The following KCMF1 variants were observed in gnomAD, a reference collection of about 807,000 sequenced individuals.
The protein encoded by KCMF1 is potassium channel modulatory factor 1.
In KCMF1, 3 loss-of-function variants were observed where a neutral mutation model predicts 41.1. The ratio of observed to expected loss-of-function variants is 0.07; its 90% confidence interval spans 0.03 to 0.19. The LOEUF (loss-of-function observed/expected upper bound fraction) is 0.19, where lower values mean the gene tolerates loss of function less well. KCMF1 is among the 10% of genes least tolerant of loss of function. KCMF1 has a pLI of 1.00. For synonymous variants in KCMF1, 142 were observed against 164.5 expected, an observed-to-expected ratio of 0.86 and a Z score of 1.04; for missense variants, 286 against 488.9, an observed-to-expected ratio of 0.58 and a Z score of 3.91.
intron 3 of KCMF1, among the ~76,000 whole-genome samples, chr2:85,043,128 A>G (rs367797593): frequency 7.2e-5 from 11 of 152,228 alleles, no homozygotes; most frequent in African/African-American, 2.4e-4. Flanking sequence ...GCACAGTTGC[A>G]TTTAATCAGA....
At chr2:85,013,536 A>T (rs1310870044) in intron 1 of KCMF1, among the ~76,000 whole-genome samples, 1 of 152,164 alleles carries the variant, frequency 6.6e-6, no homozygotes, top group Non-Finnish European at 1.5e-5. Flanking sequence ...GCAGTGGCTC[A>T]TGCTTGTAAT....
intron 2 of KCMF1, among the ~76,000 whole-genome samples, chr2:85,029,848 AT>A (rs1471415111): frequency 6.6e-6 from 1 of 150,976 alleles, no homozygotes; most frequent in Non-Finnish European, 1.5e-5. Flanking sequence ...TGCCCAGAAA[AT>A]TTTTTTTGTA....
At chr2:85,035,202 A>G in intron 3 of KCMF1, 47 bp downstream of exon 3, 3 of 1,525,618 alleles carry the variant, frequency 2.0e-6, no homozygotes, top group Non-Finnish European at 2.7e-6. Context: ...TGTAAAGTAT[A>G]TTATTTCTAA....
intron 1 of KCMF1, among the ~76,000 whole-genome samples, chr2:84,998,305 G>A (rs1285278349): frequency 6.6e-6 from 1 of 151,918 alleles, no homozygotes; most frequent in Non-Finnish European, 1.5e-5. Context: ...ATGTTAGCCA[G>A]GCTGGTCTCA....
intron 1 of KCMF1, among the ~76,000 whole-genome samples, chr2:85,008,673 C>T (rs1379523137): frequency 1.3e-5 from 2 of 151,378 alleles, no homozygotes; most frequent in African/African-American, 2.4e-5. Context: ...TGGAAACATG[C>T]GTATCAAGCC....
intron 1 of KCMF1, among the ~76,000 whole-genome samples, chr2:85,026,592 A>G (rs545264807): frequency 6.6e-6 from 1 of 151,886 alleles, no homozygotes; most frequent in South Asian, 2.1e-4. Context: ...GGGCTCAAGC[A>G]TTCCTCCCAC....
At chr2:84,985,492 G>A (rs925105962) in intron 1 of KCMF1, among the ~76,000 whole-genome samples, 2 of 152,120 alleles carry the variant, frequency 1.3e-5, no homozygotes, top group South Asian at 4.1e-4. Flanking sequence ...TTCCTGAAGG[G>A]TGTGGGGTTT....
At chr2:85,052,079 CT>C (rs1344721800) in intron 6 of KCMF1, among the ~76,000 whole-genome samples, 2 of 152,078 alleles carry the variant, frequency 1.3e-5, no homozygotes, top group African/African-American at 4.8e-5. Context: ...TCAGATCGGT[CT>C]TTTTTTGAGA....
intron 1 of KCMF1, among the ~76,000 whole-genome samples, chr2:85,003,183 C>T (rs995581130): frequency 6.6e-6 from 1 of 152,134 alleles, no homozygotes; most frequent in Non-Finnish European, 1.5e-5. Flanking sequence ...TTTTAAAATT[C>T]ATCTTGTTGG....
intron 1 of KCMF1, among the ~76,000 whole-genome samples, chr2:84,983,316 C>G (rs1673811088): frequency 6.6e-6 from 1 of 151,948 alleles, no homozygotes; most frequent in African/African-American, 2.4e-5. Flanking sequence ...ACATTTTTTT[C>G]TTACAAAGTC....
At chr2:85,027,868 A>G in intron 1 of KCMF1, 21 bp from the exon 2 acceptor site, 1 of 1,548,116 alleles carries the variant, frequency 6.5e-7, no homozygotes, top group Admixed American at 2.0e-5. Flanking sequence ...TGGTAACTAA[A>G]GATATTTCTT....
At chr2:85,033,301 T>G (rs1675322821) in intron 2 of KCMF1, among the ~76,000 whole-genome samples, 1 of 152,246 alleles carries the variant, frequency 6.6e-6, no homozygotes, top group Non-Finnish European at 1.5e-5. Flanking sequence ...GCTAAATAAT[T>G]AAATAATTCT....
At position 84,978,729 on chromosome 2, in the gene KCMF1, T is replaced by C. The variant is rs372819520; in HGVS notation, c.16+7262T>C. Among the ~76,000 whole-genome samples, 42 of 150,792 alleles carry C rather than the reference T, an allele frequency of 2.8e-4. No homozygotes were observed. In the South Asian group the frequency reaches 8.2e-3, roughly 29 times the overall value. On this transcript the variant is annotated intron_variant, in intron 1 of 6. Coordinates refer to ENST00000409785, the MANE Select transcript of KCMF1 (RefSeq NM_020122.5). ...CCTGGCTAATTTTTGTTTGTTTGCT[T>C]TTTGAGATGGAGTTTCGCTCCTGTT...
intron 5 of KCMF1, among the ~76,000 whole-genome samples, chr2:85,047,159 A>G (rs1316753257): frequency 6.6e-6 from 1 of 152,166 alleles, no homozygotes; most frequent in Non-Finnish European, 1.5e-5. Context: ...ACAAAAGATG[A>G]TAAGAAATGG....
intron 1 of KCMF1, among the ~76,000 whole-genome samples, chr2:84,986,844 T>C (rs1392085849): frequency 1.3e-5 from 2 of 152,132 alleles, no homozygotes; most frequent in African/African-American, 2.4e-5. Flanking sequence ...ATCACGCCAC[T>C]GTACTCCAGC....
At chr2:84,976,220 T>A (rs1215169198) in intron 1 of KCMF1, among the ~76,000 whole-genome samples, 1 of 151,622 alleles carries the variant, frequency 6.6e-6, no homozygotes, top group Non-Finnish European at 1.5e-5. Flanking sequence ...TTTTTTTTTT[T>A]TTTAAAGACA....
At chr2:85,026,484 T>C (rs990763427) in intron 1 of KCMF1, among the ~76,000 whole-genome samples, 15 of 146,732 alleles carry the variant, frequency 1.0e-4, no homozygotes, top group Non-Finnish European at 1.8e-4. Flanking sequence ...ATTATTATTA[T>C]TATTATTATT....
chr2:85,014,724 C>CGTGTGTGTGT (rs72066261), intron 1 of KCMF1, among the ~76,000 whole-genome samples: 49 of 138,304 alleles, frequency 3.5e-4, no homozygotes, highest in Non-Finnish European at 5.8e-4. Flanking sequence ...TGCGTGCGTG[C>CGTGTGTGTGT]GTGTGTGTGT....
At chr2:84,995,841 C>A (rs941020960) in intron 1 of KCMF1, among the ~76,000 whole-genome samples, 3 of 152,018 alleles carry the variant, frequency 2.0e-5, no homozygotes, top group Non-Finnish European at 4.4e-5. Context: ...GTAAAATGCT[C>A]AAATGTAAAG....
Sources: gnomAD v4.1 joint callset for allele counts (sites outside exome capture counted in the v4.1 genomes callset) on GRCh38, gnomAD v4.1.1 for gene constraint, MANE v1.5 for transcripts, NCBI Gene and HGNC (gene_info 2026-07-23, HGNC 2026-07-21) for gene names.